Variants in PRDM1 observed in about 807,000 individuals in gnomAD.
PRDM1 encodes PR domain zinc finger protein 1.
In PRDM1, 13 loss-of-function variants were observed where a neutral mutation model predicts 62.8. The observed-to-expected ratio is 0.21, with a 90% CI of 0.13 to 0.33. The LOEUF (loss-of-function observed/expected upper bound fraction) is 0.33, where lower values mean the gene tolerates loss of function less well. Among genes scored for constraint, PRDM1 ranks in the 10% least tolerant of loss-of-function variants. The pLI is 1.00. For synonymous variants in PRDM1, 396 were observed against 417.6 expected, an observed-to-expected ratio of 0.95 and a Z score of 0.63; for missense variants, 895 against 1,058.8, an observed-to-expected ratio of 0.85 and a Z score of 2.15.
At chr6:106,049,255 T>A (rs923322640) in intron 1 of PRDM1, among the ~76,000 whole-genome samples, 2 of 152,258 alleles carry the variant, frequency 1.3e-5, no homozygotes, top group African/African-American at 4.8e-5. Context: ...AAGCCAATTA[T>A]GTTACCTCTC....
At chr6:106,072,802 A>G (rs1388415293) in intron 1 of PRDM1, among the ~76,000 whole-genome samples, 2 of 151,868 alleles carry the variant, frequency 1.3e-5, no homozygotes, top group Admixed American at 1.3e-4. Flanking sequence ...TGGTTTCAAT[A>G]CTCCTCATCC....
chr6:106,106,598 A>G lies in PRDM1; in HGVS notation c.1902+99A>G. 6.7e-7 allele frequency: 1 copy of G among 1,500,632 alleles called. No homozygotes were observed. Among genetic ancestry groups the G allele is most frequent in the Non-Finnish European group, 9.0e-7 (1 of 1,105,648 alleles). 93.0% of individuals were successfully genotyped at this position (1,500,632 alleles called of 1,614,324 possible). A position where few individuals can be genotyped will look rare whatever the true frequency, so the allele number is the denominator to read the frequency against. On this transcript the variant is annotated intron_variant, in intron 6 of 6. Coordinates refer to ENST00000369096, the MANE Select transcript of PRDM1 (RefSeq NM_001198.4). The surrounding 1 kb of genome is among the most constrained non-coding windows in gnomAD (Gnocchi z 4.4). ...ATAGCCCGTAGTTAAAGCCAACACC[A>G]GATTCTGCGTTGTCCCATCCTGGAC...
chr6:106,068,728 A>G (rs910170882), intron 1 of PRDM1, among the ~76,000 whole-genome samples: 16 of 152,182 alleles, frequency 1.1e-4, no homozygotes, highest in African/African-American at 2.4e-4. Flanking sequence ...CAACTCTACA[A>G]ACAGTGACAG....
intron 1 of PRDM1, among the ~76,000 whole-genome samples, chr6:106,022,498 G>T (rs544231646): frequency 6.7e-6 from 1 of 150,008 alleles, no homozygotes; most frequent in East Asian, 2.0e-4. Context: ...GCTTGATCTC[G>T]GCTCACTGCA....
intron 1 of PRDM1, among the ~76,000 whole-genome samples, chr6:106,038,671 A>G (rs1229722023): frequency 1.3e-5 from 2 of 152,142 alleles, no homozygotes; most frequent in Non-Finnish European, 2.9e-5. Flanking sequence ...ATAGATCCTA[A>G]TCGTTGGAGG....
At chr6:106,097,406 A>G (rs1423193412) in intron 3 of PRDM1, among the ~76,000 whole-genome samples, 1 of 152,170 alleles carries the variant, frequency 6.6e-6, no homozygotes, top group Non-Finnish European at 1.5e-5. Context: ...CCTTGGGAGG[A>G]TTTATTTGAA....
At position 106,016,640 on chromosome 6, in the gene PRDM1, C is replaced by CT. The variant is rs746099018; in HGVS notation, c.-67+23005dup. On this transcript the variant is annotated intron_variant, in intron 1 of 6. Coordinates refer to the PRDM1 transcript ENST00000652320. ...GGGTCCATTTATGCACAGATTTTTTCTTTTCTCTCTTTTTTTTTTTTTTTT... is the reference window on the plus strand; with the variant it reads ...GGGTCCATTTATGCACAGATTTTTTCTTTTTCTCTCTTTTTTTTTTTTTTTT... 2.8e-3 allele frequency among the ~76,000 whole-genome samples: 360 copies of CT among 127,588 alleles called. 3 individuals are homozygous for CT. Among genetic ancestry groups the CT allele is most frequent in the Admixed American group, 3.8e-3 (39 of 10,358 alleles). The allele number at this position is 127,588 out of a possible 152,430, so 83.7% of individuals were successfully genotyped here. A position where few individuals can be genotyped will look rare whatever the true frequency, so the allele number is the denominator to read the frequency against.
chr6:106,098,552 G>T (rs1197799207), intron 3 of PRDM1: 6 of 1,285,618 alleles, frequency 4.7e-6, no homozygotes, highest in Admixed American at 2.4e-5. Context: ...CAGATAAGGG[G>T]TTCCCTTCCC....
chr6:106,080,889 C>T (rs535586782), intron 1 of PRDM1, among the ~76,000 whole-genome samples: 23 of 152,296 alleles, frequency 1.5e-4, no homozygotes, highest in Non-Finnish European at 3.1e-4. Context: ...CTTAAGGGGG[C>T]GGATGCCTAC....
At chr6:106,037,529 T>G (rs1772937517) in intron 1 of PRDM1, among the ~76,000 whole-genome samples, 1 of 152,164 alleles carries the variant, frequency 6.6e-6, no homozygotes, top group Non-Finnish European at 1.5e-5. Flanking sequence ...CCTTAGGCTC[T>G]TCTCACTTTC....
At chr6:106,021,879 C>T (rs548734890) in intron 1 of PRDM1, among the ~76,000 whole-genome samples, 3 of 152,334 alleles carry the variant, frequency 2.0e-5, no homozygotes, top group South Asian at 2.1e-4. Flanking sequence ...CTCGGCCTCC[C>T]AAAGTGCTGG....
chr6:106,081,339 C>A (rs1447471959), upstream of PRDM1, among the ~76,000 whole-genome samples: 1 of 152,220 alleles, frequency 6.6e-6, no homozygotes, highest in Non-Finnish European at 1.5e-5. Context: ...GGATCCATTA[C>A]AGAACCCTGA....
intron 1 of PRDM1, among the ~76,000 whole-genome samples, chr6:106,035,013 C>A (rs1388779344): frequency 6.6e-6 from 1 of 152,164 alleles, no homozygotes; most frequent in Admixed American, 6.5e-5. Flanking sequence ...AGAATATATT[C>A]TATTGTTATT....
intron 1 of PRDM1, among the ~76,000 whole-genome samples, chr6:106,073,613 TA>T (rs1234731866): frequency 6.6e-6 from 1 of 152,252 alleles, no homozygotes; most frequent in African/African-American, 2.4e-5. Flanking sequence ...TTTTATTATT[TA>T]AATGTTATTT....
chr6:106,094,912 C>A (rs3747786), intron 2 of PRDM1, among the ~76,000 whole-genome samples: 61 of 51,260 alleles, frequency 1.2e-3, no homozygotes, highest in South Asian at 4.6e-3. Flanking sequence ...TTAAAACACA[C>A]ACACACACAC....
upstream of PRDM1, among the ~76,000 whole-genome samples, chr6:106,084,669 G>A (rs551378414): frequency 2.0e-5 from 3 of 152,286 alleles, no homozygotes; most frequent in Admixed American, 2.0e-4. Context: ...TGTCCATTGT[G>A]GTGCTGACTC....
At chr6:106,089,942 T>G (rs1773917366) in intron 2 of PRDM1, among the ~76,000 whole-genome samples, 1 of 152,232 alleles carries the variant, frequency 6.6e-6, no homozygotes, top group Non-Finnish European at 1.5e-5. Context: ...GTGGGTCATC[T>G]TTGCCTTTTA....
At chr6:106,030,602 G>T (rs891513898) in intron 1 of PRDM1, among the ~76,000 whole-genome samples, 1 of 152,040 alleles carries the variant, frequency 6.6e-6, no homozygotes, top group Non-Finnish European at 1.5e-5. Flanking sequence ...TAAAAAACTG[G>T]CTGAGTCCAA....
chr6:106,022,426 AT>A (rs67542176), intron 1 of PRDM1, among the ~76,000 whole-genome samples: 38,253 of 132,674 alleles, frequency 0.29, 5,425 homozygotes, highest in Middle Eastern at 0.4. Context: ...CGCCCAGCTA[AT>A]TTTTTTTTTT....
Sources: allele counts gnomAD v4.1 joint callset (sites outside exome capture counted in the v4.1 genomes callset), GRCh38; gene constraint gnomAD v4.1.1; non-coding constraint Gnocchi (gnomAD v3.1); transcripts MANE v1.5; gene names NCBI Gene and HGNC (gene_info 2026-07-23, HGNC 2026-07-21).